The following CEP295 variants were observed in gnomAD, a reference collection of about 807,000 sequenced individuals.
CEP295 encodes centrosomal protein 295, also known as centrosomal protein of 295 kDa.
Under a neutral mutation model 291.6 loss-of-function variants are expected in CEP295, and 190 were observed. The ratio of observed to expected loss-of-function variants is 0.65; its 90% CI spans 0.58 to 0.73. The LOEUF (loss-of-function observed/expected upper bound fraction) is 0.73, where lower values mean the gene tolerates loss of function less well. Ranked by LOEUF, CEP295 falls within the 30% of genes least tolerant of loss-of-function variation. CEP295 has a pLI of 0.00. For synonymous variants in CEP295, 993 were observed against 1,038.8 expected (o/e 0.96, Z 0.85); for missense variants, 2,863 against 2,949.4 (o/e 0.97, Z 0.68).
At chr11:93,705,859 C>CT in intron 17 of CEP295, among the ~76,000 whole-genome samples, 1 of 152,160 alleles carries the variant, frequency 6.6e-6, no homozygotes, top group East Asian at 1.9e-4. Context: ...ACCTTAGTAT[C>CT]TGTAGTTCCA....
rs1037443364 is a variant in CEP295 at position 93,727,268 on chromosome 11, T to C, written c.6792T>C (p.Ser2264=). ...GCACTCCATGTGGTTCTAACTCTAG[T>C]GAGTGCTCAACAAAACACCAACTAG... ...QHSTPCGSNS[S]ECSTKHQLES... Residue 2264 remains serine, a synonymous_variant, in exon 24 of 30, where the codon AGT becomes AGC. Coordinates refer to ENST00000325212, the MANE Select transcript of CEP295 (RefSeq NM_033395.2). The C allele has an allele frequency of 6.4e-7, 1 of 1,551,776 alleles. No individual in the cohort carries two copies. The highest frequency in any genetic ancestry group is 1.4e-5 in the African/African-American group (1 of 73,186).
At chr11:93,674,797 G>C (rs1471605603) in intron 5 of CEP295, among the ~76,000 whole-genome samples, 1 of 152,142 alleles carries the variant, frequency 6.6e-6, no homozygotes, top group Non-Finnish European at 1.5e-5. Context: ...TTTAATTTAT[G>C]TGTAATCGTT....
At chr11:93,696,617 G>A (rs1444272094) in intron 14 of CEP295, 65 bp from the exon 15 acceptor site, 3 of 1,387,570 alleles carry the variant, frequency 2.2e-6, no homozygotes, top group East Asian at 2.5e-5. Flanking sequence ...TAAATTTAAT[G>A]TATAGACATG....
chr11:93,683,703 T>C lies in CEP295; in HGVS notation c.910T>C (p.Leu304=), dbSNP rs776608836. 141 of 1,546,418 alleles carry C rather than the reference T, an allele frequency of 9.1e-5. No homozygotes were observed. Among genetic ancestry groups the C allele is most frequent in the Non-Finnish European group, 1.2e-4 (137 of 1,145,874 alleles). ...AATGAAAGAAGACTGGCAGAGAGAA[T>C]TGGAATTTGCCTTTGAAGATATGTA... ...SEMKEDWQRE[L]EFAFEDMYNA... Residue 304 remains leucine (L), a synonymous_variant, in exon 8 of 30, where the codon TTG becomes CTG. Transcript: ENST00000325212.
intron 12 of CEP295, among the ~76,000 whole-genome samples, chr11:93,692,334 A>G (rs1951604070): frequency 6.6e-6 from 1 of 152,236 alleles, no homozygotes; most frequent in African/African-American, 2.4e-5. Flanking sequence ...ACAGTTTCTG[A>G]TACAATGCTT....
At chr11:93,671,596 G>T (rs1950452024) in intron 5 of CEP295, among the ~76,000 whole-genome samples, 1 of 152,036 alleles carries the variant, frequency 6.6e-6, no homozygotes, top group Non-Finnish European at 1.5e-5. Context: ...TTATATTCTT[G>T]TTTCACTAAA....
At position 93,722,049 on chromosome 11, in the gene CEP295, AG is replaced by A; in HGVS notation, c.5947+1del. The A allele has an allele frequency of 6.6e-7, 1 of 1,519,514 alleles. No homozygotes were observed. The allele number at this position is 1,519,514 out of a possible 1,614,324, so 94.1% of individuals were successfully genotyped here. A position where few individuals can be genotyped will look rare whatever the true frequency, so the allele number is the denominator to read the frequency against. On this transcript the variant is annotated frameshift_variant and splice_region_variant, in exon 20 of 30. Coordinates refer to ENST00000325212, the MANE Select transcript of CEP295 (RefSeq NM_033395.2). LOFTEE classifies it high-confidence loss of function. ...ENTDLSLTDPESFSEHMDDSK... is the reference protein window; with the variant it reads ...ENTDLSLTDPXSFSEHMDDSK... ...ACACAGATTTGAGCCTTACAGATCC[AG>A]GTAATAAGGTCAAAATGTTTATAAA...
At chr11:93,727,687 A>C (rs1424378193) in intron 24 of CEP295, 50 bp downstream of exon 24, 1 of 1,409,726 alleles carries the variant, frequency 7.1e-7, no homozygotes, top group Non-Finnish European at 9.4e-7. Context: ...CTTTTTGGGA[A>C]AAAACTTTTT....
At chr11:93,703,129 A>T (rs183217784) in intron 17 of CEP295, among the ~76,000 whole-genome samples, 25 of 152,148 alleles carry the variant, frequency 1.6e-4, no homozygotes, top group Admixed American at 1.2e-3. Flanking sequence ...ACACCCAGCT[A>T]ATTTTTGTAT....
At chr11:93,682,369 G>A (rs926863743) in intron 7 of CEP295, among the ~76,000 whole-genome samples, 2 of 152,028 alleles carry the variant, frequency 1.3e-5, no homozygotes, top group South Asian at 2.1e-4. Context: ...CATTTCAGGC[G>A]CATGCCGTCA....
chr11:93,688,984 G>C (rs186713544), intron 10 of CEP295, among the ~76,000 whole-genome samples: 1 of 152,166 alleles, frequency 6.6e-6, no homozygotes, highest in East Asian at 1.9e-4. Context: ...TAGTCATTCT[G>C]GTTCCCTCTT....
intron 14 of CEP295, 131 bp from the exon 15 acceptor site, chr11:93,696,551 A>G (rs1346268797): frequency 4.8e-6 from 5 of 1,035,388 alleles, no homozygotes; most frequent in Non-Finnish European, 6.9e-6. Flanking sequence ...TTAAAGGACA[A>G]TGTGAGTGTA....
intron 25 of CEP295, 173 bp downstream of exon 25, chr11:93,728,994 G>A: frequency 1.7e-6 from 1 of 577,210 alleles, no homozygotes; most frequent in South Asian, 2.6e-5. Flanking sequence ...GTCAACCATT[G>A]TGCATTTTCT....
At chr11:93,672,786 G>T (rs1232790663) in intron 5 of CEP295, among the ~76,000 whole-genome samples, 1 of 151,906 alleles carries the variant, frequency 6.6e-6, no homozygotes, top group East Asian at 1.9e-4. Context: ...CCAGGCTAAG[G>T]ACTGATTTCA....
chr11:93,717,645 T>C (rs139996737), intron 18 of CEP295, among the ~76,000 whole-genome samples: 4 of 152,328 alleles, frequency 2.6e-5, no homozygotes, highest in African/African-American at 7.2e-5. Flanking sequence ...TCACTCCTAT[T>C]AGCCAGGATA....
Position 93,728,652 on chromosome 11 carries a change from ATGGTTTTCCTTTTAATTG to A in CEP295, c.7162-23_7162-6del. The A allele has an allele frequency of 1.3e-6, 2 of 1,505,938 alleles. No homozygotes were observed. Among genetic ancestry groups the A allele is most frequent in the Non-Finnish European group, 8.8e-7 (1 of 1,131,184 alleles). 93.3% of individuals were successfully genotyped at this position (1,505,938 alleles called of 1,614,324 possible). A position where few individuals can be genotyped will look rare whatever the true frequency, so the allele number is the denominator to read the frequency against. On this transcript the variant is annotated splice_polypyrimidine_tract_variant and intron_variant, in intron 24 of 29. Transcript: ENST00000325212. The stretch of plus-strand genomic sequence containing the variant: ...TTAAGTCTTTTAAGGCTATTTTGAC[ATGGTTTTCCTTTTAATTG>A]TGGTTCACAGGAAACAGAAACTGGC...
At chr11:93,715,185 G>A (rs1206193475) in intron 18 of CEP295, among the ~76,000 whole-genome samples, 1 of 152,028 alleles carries the variant, frequency 6.6e-6, no homozygotes, top group African/African-American at 2.4e-5. Context: ...GGCTAAGCAG[G>A]CACCAAAATC....
intron 6 of CEP295, among the ~76,000 whole-genome samples, chr11:93,676,572 C>T (rs1168103019): frequency 1.3e-5 from 2 of 151,946 alleles, no homozygotes; most frequent in East Asian, 3.8e-4. Context: ...AATATCATCA[C>T]AGAATGAACT....
intron 7 of CEP295, 75 bp downstream of exon 7, chr11:93,679,627 GCTCA>G: frequency 2.4e-6 from 3 of 1,268,486 alleles, no homozygotes; most frequent in Non-Finnish European, 3.2e-6. Context: ...TAGTGAATGA[GCTCA>G]AAGAAAGGTA....
Sources: gnomAD v4.1 joint callset for allele counts (sites outside exome capture counted in the v4.1 genomes callset) on GRCh38, gnomAD v4.1.1 for gene constraint, MANE v1.5 for transcripts, NCBI Gene and HGNC (gene_info 2026-07-23, HGNC 2026-07-21) for gene names.